UST: variants seen among roughly 807,000 people sequenced by gnomAD.
UST encodes chondroitin sulfate 2-O-sulfotransferase.
Under a neutral mutation model 45.6 loss-of-function variants are expected in UST, and 21 were observed. The ratio of observed to expected loss-of-function variants is 0.46; its 90% confidence interval spans 0.33 to 0.66. UST has a LOEUF of 0.66. Among genes scored for constraint, UST ranks in the 30% least tolerant of loss-of-function variants. The pLI, the probability that UST is intolerant of heterozygous loss-of-function variation, is 0.02. For missense variants in UST, 463 were observed against 512.4 expected (o/e 0.90, Z 0.93); for synonymous variants, 215 against 200.6 (o/e 1.07, Z -0.61).
intron 2 of UST, among the ~76,000 whole-genome samples, chr6:148,915,350 C>T (rs560362243): frequency 3.3e-5 from 5 of 152,160 alleles, no homozygotes; most frequent in Non-Finnish European, 7.3e-5. Flanking sequence ...GTCTTCCATG[C>T]TTAAGATTGC....
intron 1 of UST, among the ~76,000 whole-genome samples, chr6:148,824,181 C>T (rs140190312): frequency 8.8e-4 from 134 of 152,226 alleles, no homozygotes; most frequent in African/African-American, 3.1e-3. Context: ...TTTCTGGACG[C>T]CTAAGTTCAA....
intron 7 of UST, among the ~76,000 whole-genome samples, chr6:149,062,595 G>A (rs1452323498): frequency 6.6e-6 from 1 of 152,142 alleles, no homozygotes; most frequent in African/African-American, 2.4e-5. Context: ...GAACACTCAA[G>A]CCCTTCTTTT....
At position 148,922,913 on chromosome 6, in the gene UST, G is replaced by A. The variant is rs372165014; in HGVS notation, c.292-18366G>A. Reference sequence around the variant, plus strand: ...GTTCAAGCAGTTCTCATGCCTCAACGTCCCAAGTAGCTGGGATTACAGGCA... The same window carrying A: ...GTTCAAGCAGTTCTCATGCCTCAACATCCCAAGTAGCTGGGATTACAGGCA... On this transcript the variant is annotated intron_variant, in intron 2 of 7. Coordinates refer to ENST00000367463, the MANE Select transcript of UST (RefSeq NM_005715.3). Among the ~76,000 whole-genome samples the A allele has an allele frequency of 1.4e-4, 22 of 152,052 alleles. No homozygotes were observed. In the East Asian group the frequency reaches 2.7e-3, roughly 19 times the overall value.
intron 5 of UST, among the ~76,000 whole-genome samples, chr6:148,974,269 T>A (rs1170235588): frequency 6.6e-6 from 1 of 151,964 alleles, no homozygotes; most frequent in East Asian, 1.9e-4. Context: ...GTATTATAGA[T>A]GCCTAATCTC....
intron 1 of UST, among the ~76,000 whole-genome samples, chr6:148,862,498 T>A (rs961685352): frequency 3.9e-5 from 6 of 152,234 alleles, no homozygotes; most frequent in Non-Finnish European, 8.8e-5. Context: ...CCCATTTACA[T>A]TTAAGGTTAA....
chr6:148,878,748 TTCAGGTATGAGTGGTGGGG>T (rs1404692862), intron 1 of UST, among the ~76,000 whole-genome samples: 1 of 130,796 alleles, frequency 7.6e-6, no homozygotes, highest in Admixed American at 7.7e-5. Flanking sequence ...GAGTCGGGGG[TTCAGGTATGAGTGGTGGGG>T]TCAGGTATGA....
intron 1 of UST, among the ~76,000 whole-genome samples, chr6:148,774,478 A>T (rs1776492925): frequency 1.3e-5 from 2 of 152,122 alleles, no homozygotes; most frequent in Admixed American, 1.3e-4. Flanking sequence ...CAAATTCAGG[A>T]TATATAGTTT....
chr6:148,925,283 T>C (rs1779790217), intron 2 of UST, among the ~76,000 whole-genome samples: 3 of 152,332 alleles, frequency 2.0e-5, no homozygotes, highest in Admixed American at 1.3e-4. Context: ...GGGGAGCAGA[T>C]GTTTAAGGTG....
chr6:148,926,409 G>A (rs1159384175), intron 2 of UST, among the ~76,000 whole-genome samples: 2 of 152,234 alleles, frequency 1.3e-5, no homozygotes, highest in East Asian at 1.9e-4. Flanking sequence ...ACCCACACAA[G>A]TGGAGAGCCC....
rs375170449 is a variant in UST, at chr6:149,064,992, T to C, written c.938-8841T>C. 9.9e-5 allele frequency among the ~76,000 whole-genome samples: 15 copies of C among 152,248 alleles called. No individual in the cohort carries two copies. The East Asian group carries it at 2.3e-3, about 23-fold the overall frequency. ...CCCTGTCTTAAAGGGAGGAGCTCTGTATTCGTCTCTTTCTTTTAAAATGTT... is the reference window on the plus strand; with the variant it reads ...CCCTGTCTTAAAGGGAGGAGCTCTGCATTCGTCTCTTTCTTTTAAAATGTT... On this transcript the variant is annotated intron_variant, in intron 7 of 7. Coordinates refer to ENST00000367463, the MANE Select transcript of UST (RefSeq NM_005715.3).
intron 1 of UST, among the ~76,000 whole-genome samples, chr6:148,858,672 G>A (rs1219130404): frequency 6.6e-6 from 1 of 151,936 alleles, no homozygotes; most frequent in African/African-American, 2.4e-5. Context: ...AACAGGCCCG[G>A]GCGTGTGATG....
intron 2 of UST, among the ~76,000 whole-genome samples, chr6:148,924,547 G>C (rs1483241249): frequency 2.6e-5 from 4 of 152,204 alleles, no homozygotes; most frequent in African/African-American, 9.6e-5. Context: ...TAAGGGGAGA[G>C]GAGACTGGCA....
intron 3 of UST, among the ~76,000 whole-genome samples, chr6:148,950,560 G>A (rs545402027): frequency 9.2e-5 from 14 of 152,052 alleles, no homozygotes; most frequent in South Asian, 2.1e-4. Flanking sequence ...ATCCCATCTC[G>A]GATCACTGAA....
intron 1 of UST, among the ~76,000 whole-genome samples, chr6:148,808,429 G>C (rs60435183): frequency 0.013 from 1,907 of 151,922 alleles, 35 homozygotes; most frequent in African/African-American, 0.042. Flanking sequence ...TGCTTGTGAG[G>C]GGGGTGGGCT....
chr6:148,881,601 C>G (rs1174704561), intron 1 of UST, among the ~76,000 whole-genome samples: 1 of 152,104 alleles, frequency 6.6e-6, no homozygotes, highest in Non-Finnish European at 1.5e-5. Flanking sequence ...CTGGTCCAGA[C>G]CCTTGCCAGC....
intron 7 of UST, chr6:149,032,546 A>C (rs2486413): frequency 0.94 from 145,787 of 154,632 alleles, 69,141 homozygotes; most frequent in African/African-American, 0.99. Flanking sequence ...TGATCCAGGC[A>C]TGAGCTGCCT....
intron 7 of UST, among the ~76,000 whole-genome samples, chr6:149,038,038 A>G (rs1055320501): frequency 7.9e-5 from 12 of 152,134 alleles, no homozygotes; most frequent in African/African-American, 2.9e-4. Context: ...CAGACGCCCA[A>G]ACCTAAAGAG....
intron 5 of UST, chr6:149,005,583 C>T: frequency 1.0e-6 from 1 of 985,446 alleles, no homozygotes; most frequent in Non-Finnish European, 1.2e-6. Context: ...GATTGGTACT[C>T]AGTAAAGGTT....
intron 5 of UST, among the ~76,000 whole-genome samples, chr6:148,971,275 C>G (rs950079856): frequency 1.3e-5 from 2 of 152,022 alleles, no homozygotes; most frequent in Admixed American, 1.3e-4. Context: ...ATCCGTCATT[C>G]GTTCATTCAC....
Sources: allele counts gnomAD v4.1 joint callset (sites outside exome capture counted in the v4.1 genomes callset), GRCh38; gene constraint gnomAD v4.1.1; transcripts MANE v1.5; gene names NCBI Gene and HGNC (gene_info 2026-07-23, HGNC 2026-07-21).